Variants in ANKRD28 observed in about 807,000 individuals in gnomAD.
ANKRD28 encodes the protein ankyrin repeat domain 28, also known as serine/threonine-protein phosphatase 6 regulatory ankyrin repeat subunit A.
In ANKRD28, 44 loss-of-function variants were observed where a neutral mutation model predicts 126.5. That is an observed-to-expected ratio of 0.35 (90% CI 0.27 to 0.45). The LOEUF is 0.45. Ranked by LOEUF, ANKRD28 falls within the 20% of genes least tolerant of loss-of-function variation. The probability of loss-of-function intolerance (pLI) is 1.00; values close to 1 mark genes in which losing one functional copy is unlikely to be tolerated. For synonymous variants in ANKRD28, 442 were observed against 468.5 expected, an observed-to-expected ratio of 0.94 and a Z score of 0.73; for missense variants, 1,110 against 1,316.6, an observed-to-expected ratio of 0.84 and a Z score of 2.43.
chr3:15,770,873 G>C (rs9878354), intron 2 of ANKRD28, among the ~76,000 whole-genome samples: 6,228 of 152,304 alleles, frequency 0.041, 417 homozygotes, highest in African/African-American at 0.14. Context: ...TAACTATGTA[G>C]AATGGTGAGA....
At chr3:15,742,750 G>A (rs1209544640) in intron 4 of ANKRD28, among the ~76,000 whole-genome samples, 1 of 124,874 alleles carries the variant, frequency 8.0e-6, no homozygotes, top group Non-Finnish European at 1.7e-5. Context: ...CGGGAGGGAG[G>A]TGAGGGGGTC....
At position 15,668,557 on chromosome 3, in the gene ANKRD28, T is replaced by G. The variant is rs1469859163; in HGVS notation, c.*1713A>C. 1 of 152,562 alleles carries G rather than the reference T, an allele frequency of 6.6e-6. No individual in the cohort carries two copies. Among genetic ancestry groups the G allele is most frequent in the Non-Finnish European group, 1.5e-5 (1 of 67,998 alleles). 9.5% of individuals were successfully genotyped at this position (152,562 alleles called of 1,614,324 possible). The stretch of plus-strand genomic sequence containing the variant: ...ATCTAGTAGTCAATGCCCTAGAAAC[T>G]TTATAGATTTGTAGATAATATGCAC... On this transcript the variant is annotated 3_prime_UTR_variant, in exon 28 of 28. Coordinates refer to ENST00000683139, the MANE Select transcript of ANKRD28 (RefSeq NM_001349278.2).
At chr3:15,741,697 CTTTTTTTTTTTTTTTTTTTTTTTTTTTT>C (rs58655271) in intron 4 of ANKRD28, among the ~76,000 whole-genome samples, 1 of 33,640 alleles carries the variant, frequency 3.0e-5, no homozygotes, top group South Asian at 1.6e-3. Context: ...TGGTTCTATC[CTTTTTTTTTTTTTTTTTTTTTTTTTTTT>C]TTTTTTTTTT....
In ANKRD28 at chr3:15,788,287, A is replaced by AT. The variant is rs531783363; in HGVS notation, c.201+6935dup. Among the ~76,000 whole-genome samples the AT allele has an allele frequency of 2.2e-4, 33 of 152,290 alleles. 1 individual carries two copies. The highest frequency in any genetic ancestry group is 7.7e-4 in the African/African-American group (32 of 41,572). On this transcript the variant is annotated intron_variant, in intron 2 of 27. Coordinates refer to ENST00000683139, the MANE Select transcript of ANKRD28 (RefSeq NM_001349278.2). ...AGGCAGGAGTTCATAGGGCACAGAC[A>AT]TAACTATTTTAGAGAGAAACATCCA... is the stretch of plus-strand genomic sequence containing the variant.
intron 3 of ANKRD28, among the ~76,000 whole-genome samples, chr3:15,754,790 G>T (rs1405663053): frequency 6.6e-6 from 1 of 152,124 alleles, no homozygotes; most frequent in Non-Finnish European, 1.5e-5. Context: ...GAGGTACTAG[G>T]GTAGTAATGC....
intron 1 of ANKRD28, among the ~76,000 whole-genome samples, chr3:15,823,517 G>A (rs1291364297): frequency 6.6e-6 from 1 of 152,184 alleles, no homozygotes; most frequent in East Asian, 1.9e-4. Context: ...AAAGAAGAGG[G>A]AGAACTTGAA....
intron 2 of ANKRD28, among the ~76,000 whole-genome samples, chr3:15,789,961 C>G (rs2059951677): frequency 6.6e-6 from 1 of 151,972 alleles, no homozygotes; most frequent in Non-Finnish European, 1.5e-5. Flanking sequence ...ACGACTTACA[C>G]AGACATTATG....
Position 15,815,672 on chromosome 3 carries a change from T to C in ANKRD28, c.28-20366A>G, listed in dbSNP as rs2060818292. Among the ~76,000 whole-genome samples the C allele has an allele frequency of 2.0e-5, 3 of 152,156 alleles. No homozygotes were observed. Among genetic ancestry groups the C allele is most frequent in the Non-Finnish European group, 2.9e-5 (2 of 68,022 alleles). ...ATCATCTTTGTTATAGTAATTACTA[T>C]TGTAGTAATTAATGCCTTCTAAAAT... On this transcript the variant is annotated intron_variant, in intron 1 of 27. Transcript: ENST00000399451. The surrounding 1 kb of genome is among the most constrained non-coding windows in gnomAD (Gnocchi z 4.1).
chr3:15,694,659 G>GT, intron 17 of ANKRD28, 80 bp downstream of exon 17: 1 of 1,248,964 alleles, frequency 8.0e-7, no homozygotes, highest in South Asian at 1.3e-5. Flanking sequence ...TATGGTACTA[G>GT]TTTGAGTCAA....
intron 21 of ANKRD28, 129 bp downstream of exon 21, chr3:15,685,097 G>T: frequency 1.2e-6 from 1 of 858,636 alleles, no homozygotes; most frequent in Admixed American, 2.2e-5. Flanking sequence ...TTATTAGTAC[G>T]TGAGCCTATA....
At chr3:15,720,844 T>C (rs1186365975) in intron 8 of ANKRD28, 71 bp downstream of exon 8, 1 of 1,352,928 alleles carries the variant, frequency 7.4e-7, no homozygotes, top group East Asian at 2.3e-5. Flanking sequence ...TATTGCTCAA[T>C]GGTATTCACC....
At chr3:15,737,780 A>G (rs1038013825) in intron 4 of ANKRD28, among the ~76,000 whole-genome samples, 2 of 152,136 alleles carry the variant, frequency 1.3e-5, no homozygotes, top group Admixed American at 1.3e-4. Flanking sequence ...TGGCTCTTTG[A>G]ACAATTTTAA....
intron 4 of ANKRD28, among the ~76,000 whole-genome samples, chr3:15,744,175 G>T (rs1157440567): frequency 6.6e-6 from 1 of 152,164 alleles, no homozygotes; most frequent in Non-Finnish European, 1.5e-5. Context: ...TTACTACTTA[G>T]GAGACCTTCT....
At chr3:15,707,514 A>G (rs2071617699) in intron 14 of ANKRD28, among the ~76,000 whole-genome samples, 2 of 152,172 alleles carry the variant, frequency 1.3e-5, no homozygotes, top group South Asian at 2.1e-4. Flanking sequence ...TGAACTGTCT[A>G]CCTCTGAAGG....
chr3:15,751,939 A>G, intron 3 of ANKRD28, 119 bp from the exon 4 acceptor site: 2 of 616,066 alleles, frequency 3.2e-6, no homozygotes, highest in Admixed American at 3.8e-5. Context: ...AAAAAAACTT[A>G]TTTTTTACAC....
At chr3:15,836,480 T>C (rs949656931) in intron 1 of ANKRD28, among the ~76,000 whole-genome samples, 2 of 152,058 alleles carry the variant, frequency 1.3e-5, no homozygotes, top group Non-Finnish European at 2.9e-5. Context: ...ATCCAACCAT[T>C]TCAAAAGTAA....
chr3:15,758,810 G>A (rs2058305199), intron 3 of ANKRD28, among the ~76,000 whole-genome samples: 1 of 152,178 alleles, frequency 6.6e-6, no homozygotes, highest in African/African-American at 2.4e-5. Context: ...CAGCACTGAA[G>A]TAAAAAGAAG....
In ANKRD28 at chr3:15,686,244, C is replaced by G; in HGVS notation, c.2029G>C (p.Asp677His). The G allele has an allele frequency of 6.3e-7, 1 of 1,593,356 alleles. No individual in the cohort carries two copies. Among genetic ancestry groups the G allele is most frequent in the Non-Finnish European group, 8.6e-7 (1 of 1,168,598 alleles). The stretch of plus-strand genomic sequence containing the variant: ...TACTGTCCATTTCCATCTTGAATAT[C>G]CACTGCATTCTGTGGTTCTGCATTT... ...IGNAEPQNAV[D>H]IQDGNGQTPL... The change falls in exon 19 of 28, where the codon GAT becomes CAT. Residue 677 changes from aspartate to histidine, a missense_variant. By Grantham distance (81) the Asp-to-His change is moderately conservative. Coordinates refer to ENST00000683139, the MANE Select transcript of ANKRD28 (RefSeq NM_001349278.2).
chr3:15,854,270 C>T lies in ANKRD28; in HGVS notation c.27+5107G>A, dbSNP rs1404997680. ...GTCACTGTTAACTAATTTATCTTCT[C>T]TTTTCCAACTACACACTCCAATCAA... On this transcript the variant is annotated intron_variant, in intron 1 of 27. Transcript: ENST00000399451. This position sits in a 1 kb window ranked among gnomAD's most constrained non-coding sequence, Gnocchi z 4.1. Among the ~76,000 whole-genome samples the T allele has an allele frequency of 6.6e-6, 1 of 152,220 alleles. No homozygotes were observed. The highest frequency in any genetic ancestry group is 1.5e-5 in the Non-Finnish European group (1 of 68,038).
Sources: gnomAD v4.1 joint callset for allele counts (sites outside exome capture counted in the v4.1 genomes callset) on GRCh38, gnomAD v4.1.1 for gene constraint, Gnocchi (gnomAD v3.1) non-coding constraint, MANE v1.5 for transcripts, NCBI Gene and HGNC (gene_info 2026-07-23, HGNC 2026-07-21) for gene names.